The following AMBRA1 variants were observed in gnomAD, a reference collection of about 807,000 sequenced individuals.
The protein encoded by AMBRA1 is activating molecule in BECN1-regulated autophagy protein 1.
AMBRA1 carries 47 observed loss-of-function variants against 125.4 expected under a neutral mutation model. The observed-to-expected ratio is 0.37, with a 90% CI of 0.30 to 0.48. The LOEUF (loss-of-function observed/expected upper bound fraction) is 0.48, where lower values mean the gene tolerates loss of function less well. AMBRA1 is among the 20% of genes least tolerant of loss of function. AMBRA1 has a pLI of 0.99. For missense variants in AMBRA1, 1,331 were observed against 1,693.4 expected (o/e 0.79, Z 3.76); for synonymous variants, 626 against 655.5 (o/e 0.95, Z 0.69).
intron 11 of AMBRA1, among the ~76,000 whole-genome samples, chr11:46,473,571 A>G (rs1949691407): frequency 6.6e-6 from 1 of 152,256 alleles, no homozygotes; most frequent in South Asian, 2.1e-4. Context: ...GAATCAGAAA[A>G]AATCCAGGAT....
At chr11:46,491,435 C>T (rs1423109192) in intron 11 of AMBRA1, 2 of 152,206 alleles carry the variant, frequency 1.3e-5, no homozygotes, top group East Asian at 1.9e-4. Context: ...GTGTAAAGCA[C>T]GTAAAACACT....
intron 17 of AMBRA1, among the ~76,000 whole-genome samples, chr11:46,401,550 G>C (rs1355023123): frequency 6.6e-6 from 1 of 152,180 alleles, no homozygotes; most frequent in Non-Finnish European, 1.5e-5. Context: ...TTCTCAAGTA[G>C]ATTACCAGGG....
Position 46,542,332 on chromosome 11 carries a change from C to T in AMBRA1, c.1685G>A (p.Arg562His), listed in dbSNP as rs756709203. The T allele has an allele frequency of 1.8e-5, 29 of 1,613,908 alleles. No homozygotes were observed. The highest frequency in any genetic ancestry group is 2.1e-5 in the Non-Finnish European group (25 of 1,180,024). The change falls in exon 7 of 18, where the codon CGT (arginine) becomes CAT (histidine). Residue 562 changes from arginine to histidine, a missense_variant. Arg to His is a conservative substitution (Grantham distance 29). Around this residue, in one of 4 missense-constraint regions of AMBRA1, gnomAD observed 689 missense variants for 776.5 expected, o/e 0.89. Coordinates refer to ENST00000683756, the MANE Select transcript of AMBRA1 (RefSeq NM_001387011.1). This position sits in a 1 kb window ranked among gnomAD's most constrained non-coding sequence, Gnocchi z 5.9. ...HSSENNSNLS[R>H]GHLNRCRACH... ...AGCACGACAGCGATTCAGGTGGCCACGGGACAGGTTGGAGTTGTTCTCACT... is the reference window on the plus strand; with the variant it reads ...AGCACGACAGCGATTCAGGTGGCCATGGGACAGGTTGGAGTTGTTCTCACT...
intron 1 of AMBRA1, among the ~76,000 whole-genome samples, chr11:46,577,178 T>C (rs185806063): frequency 3.3e-4 from 50 of 152,298 alleles, no homozygotes; most frequent in Non-Finnish European, 6.9e-4. Context: ...AGCAACACTA[T>C]TCACAAGAGC....
intron 1 of AMBRA1, among the ~76,000 whole-genome samples, chr11:46,557,571 T>G (rs2043196610): frequency 6.6e-6 from 1 of 151,896 alleles, no homozygotes; most frequent in African/African-American, 2.4e-5. Context: ...CCTGGGAGGT[T>G]GAGGTGGGAG....
chr11:46,520,192 G>A (rs1336132830), intron 7 of AMBRA1, among the ~76,000 whole-genome samples: 5 of 151,560 alleles, frequency 3.3e-5, no homozygotes, highest in Admixed American at 3.3e-4. Flanking sequence ...CATTTGTATG[G>A]GTTTCCACTA....
chr11:46,535,143 A>G (rs185013924), intron 7 of AMBRA1, among the ~76,000 whole-genome samples: 4 of 152,344 alleles, frequency 2.6e-5, no homozygotes, highest in Admixed American at 2.6e-4. Context: ...TGTATCACAA[A>G]TGAAATTCTC....
rs376138719 is a variant in AMBRA1, at chr11:46,504,310, C to A, written c.2339+3881G>T. 6.6e-5 allele frequency among the ~76,000 whole-genome samples: 10 copies of A among 152,298 alleles called. No individual in the cohort carries two copies. In the South Asian group the frequency reaches 2.1e-3, roughly 32 times the overall value. On this transcript the variant is annotated intron_variant, in intron 9 of 17. Transcript: ENST00000683756. ...CCACCTCTTTTGTAGGCCTTAGCAA[C>A]TACGGGCCATAGCACTTAACCTGGG...
intron 11 of AMBRA1, among the ~76,000 whole-genome samples, chr11:46,475,350 C>T (rs1281689618): frequency 6.6e-6 from 1 of 152,170 alleles, no homozygotes; most frequent in Non-Finnish European, 1.5e-5. Context: ...GGAAGATAGA[C>T]AAAATATTCA....
chr11:46,409,783 T>C (rs1268062567), intron 16 of AMBRA1, among the ~76,000 whole-genome samples: 2 of 152,256 alleles, frequency 1.3e-5, no homozygotes. Context: ...TAGCAATTGC[T>C]TTGGGTTTAT....
At chr11:46,571,145 A>G (rs898046827) in intron 1 of AMBRA1, among the ~76,000 whole-genome samples, 3 of 152,212 alleles carry the variant, frequency 2.0e-5, no homozygotes, top group Non-Finnish European at 2.9e-5. Context: ...GATATTCTAT[A>G]AATGACAAAT....
intron 5 of AMBRA1, among the ~76,000 whole-genome samples, chr11:46,545,305 C>T (rs1952964209): frequency 6.6e-6 from 1 of 151,074 alleles, no homozygotes; most frequent in African/African-American, 2.4e-5. Context: ...ATTAAAAATA[C>T]AAAAAAATGA....
chr11:46,532,440 T>G (rs867004965), intron 7 of AMBRA1, among the ~76,000 whole-genome samples: 1 of 152,170 alleles, frequency 6.6e-6, no homozygotes, highest in Non-Finnish European at 1.5e-5. Flanking sequence ...GGAAGAAAGG[T>G]TGAAGAGTTC....
chr11:46,460,047 T>C (rs886299619), intron 11 of AMBRA1, among the ~76,000 whole-genome samples: 10 of 152,180 alleles, frequency 6.6e-5, no homozygotes, highest in Admixed American at 4.6e-4. Flanking sequence ...GCTATATAAC[T>C]GAAGATGAGC....
rs557229969 is a variant in AMBRA1, at chr11:46,534,312, G to A, written c.2072+7633C>T. Among the ~76,000 whole-genome samples, 7 of 151,740 alleles carry A rather than the reference G, an allele frequency of 4.6e-5. No homozygotes were observed. The South Asian group carries it at 1.3e-3, about 27-fold the overall frequency. On this transcript the variant is annotated intron_variant, in intron 7 of 17. Transcript: ENST00000683756. ...GTTCAAGACCAGTCCGGCCAACATG[G>A]TGAAACCCCGTCTTTACTAAAAATA...
At chr11:46,515,070 A>C (rs1394763574) in intron 7 of AMBRA1, among the ~76,000 whole-genome samples, 1 of 152,172 alleles carries the variant, frequency 6.6e-6, no homozygotes, top group Non-Finnish European at 1.5e-5. Flanking sequence ...TTCCACCCTA[A>C]AGTGCTCTGG....
intron 7 of AMBRA1, among the ~76,000 whole-genome samples, chr11:46,527,011 A>G (rs1591034534): frequency 6.6e-6 from 1 of 152,340 alleles, no homozygotes; most frequent in East Asian, 1.9e-4. Flanking sequence ...GTAAAGCATA[A>G]GGCCCCTGTA....
Position 46,479,750 on chromosome 11 carries a change from T to C in AMBRA1, c.2521+13858A>G, listed in dbSNP as rs558721859. Among the ~76,000 whole-genome samples the C allele has an allele frequency of 3.7e-4, 56 of 152,200 alleles. No individual in the cohort carries two copies. In the Middle Eastern group the frequency reaches 0.014, roughly 37 times the overall value. On this transcript the variant is annotated intron_variant, in intron 11 of 17. Transcript: ENST00000683756. ...AAGCACAGGTTAGTTTACTGGTGAA[T>C]AGAAAGGAGACAAGTCATCCCAGCT...
At chr11:46,573,632 T>C (rs2135283781) in intron 1 of AMBRA1, among the ~76,000 whole-genome samples, 1 of 152,052 alleles carries the variant, frequency 6.6e-6, no homozygotes, top group South Asian at 2.1e-4. Context: ...TCTTCCAGGG[T>C]TTCTCTTTTT....
Sources: allele counts gnomAD v4.1 joint callset (sites outside exome capture counted in the v4.1 genomes callset), GRCh38; gene constraint gnomAD v4.1.1; regional missense constraint gnomAD v4.1.1; non-coding constraint Gnocchi (gnomAD v3.1); transcripts MANE v1.5; gene names NCBI Gene and HGNC (gene_info 2026-07-23, HGNC 2026-07-21).